Variants in CTBP2 observed in about 807,000 individuals in gnomAD.
CTBP2 encodes the protein C-terminal binding protein 2, also known as C-terminal-binding protein 2.
In CTBP2, 30 loss-of-function variants were observed where a neutral mutation model predicts 80.3. The ratio of observed to expected loss-of-function variants is 0.37; its 90% CI spans 0.28 to 0.51. The LOEUF is 0.51. Ranked by LOEUF, CTBP2 falls within the 20% of genes least tolerant of loss-of-function variation. CTBP2 has a pLI of 0.93. For missense variants in CTBP2, 1,212 were observed against 1,375.3 expected (o/e 0.88, Z 1.88); for synonymous variants, 594 against 587.4 (o/e 1.01, Z -0.16).
At chr10:125,031,102 C>T (rs1418412013), upstream of CTBP2, among the ~76,000 whole-genome samples, 4 of 152,214 alleles carry the variant, frequency 2.6e-5, no homozygotes, top group Non-Finnish European at 4.4e-5. Flanking sequence ...CGGCCTATGG[C>T]ATACCCATTT....
intron 1 of CTBP2, among the ~76,000 whole-genome samples, chr10:125,114,193 G>A (rs1182286520): frequency 6.6e-6 from 1 of 152,130 alleles, no homozygotes; most frequent in Non-Finnish European, 1.5e-5. Context: ...GCAACCGCAG[G>A]AGCTGAAGTG....
chr10:125,027,693 C>T lies in CTBP2; in HGVS notation c.67G>A (p.Glu23Lys), dbSNP rs1365402174. ...GACTCGGCGTTCTCCCAGGGGCCCTCGTACCACCCAGCAGCATCCCAGCTC... is the reference window on the plus strand; with the variant it reads ...GACTCGGCGTTCTCCCAGGGGCCCTTGTACCACCCAGCAGCATCCCAGCTC... Residue 23 changes from glutamate (E) to lysine (K), a missense_variant, in exon 1 of 9, where the codon GAG becomes AAG. Physicochemically the swap from Glu to Lys is moderately conservative, Grantham distance 56. Around this residue, in one of 3 missense-constraint regions of CTBP2, gnomAD observed 848 missense variants for 782.3 expected, o/e 1.08. Coordinates refer to ENST00000309035, the MANE Select transcript of CTBP2 (RefSeq NM_022802.3). 1.2e-5 allele frequency: 19 copies of T among 1,613,654 alleles called. No homozygotes were observed. Among genetic ancestry groups the T allele is most frequent in the East Asian group, 2.2e-5 (1 of 44,884 alleles).
upstream of CTBP2, among the ~76,000 whole-genome samples, chr10:125,031,656 T>C (rs1198662989): frequency 6.6e-6 from 1 of 152,162 alleles, no homozygotes; most frequent in African/African-American, 2.4e-5. Context: ...GGCTGGGTTT[T>C]AAAGCAGCCT....
chr10:125,049,046 G>GACACACACACACACACACACAC (rs1178000125), intron 2 of CTBP2, among the ~76,000 whole-genome samples: 1,091 of 89,596 alleles, frequency 0.012, 50 homozygotes, highest in East Asian at 0.034. Flanking sequence ...CCTGACCACA[G>GACACACACACACACACACACAC]ACACACACAC....
chr10:125,161,179 G>A (rs898984101), upstream of CTBP2: 1 of 151,946 alleles, frequency 6.6e-6, no homozygotes, highest in African/African-American at 2.4e-5. Flanking sequence ...TCTCTCGGGG[G>A]ATTAGTGGCT....
chr10:125,027,969 C>T lies in CTBP2; in HGVS notation c.-210G>A, dbSNP rs1590178899. 1.5e-6 allele frequency: 2 copies of T among 1,365,960 alleles called. No homozygotes were observed. The highest frequency in any genetic ancestry group is 1.6e-5 in the South Asian group (1 of 61,056). 84.6% of individuals were successfully genotyped at this position (1,365,960 alleles called of 1,614,324 possible). ...AACATAAGACTCACGGTAACTTTGC[C>T]TCACTCCCCAACGATAGCCAGAGAG... On this transcript the variant is annotated 5_prime_UTR_variant, in exon 1 of 9. Transcript: ENST00000309035.
At chr10:125,131,366 G>A (rs561821895) in intron 1 of CTBP2, among the ~76,000 whole-genome samples, 1 of 152,166 alleles carries the variant, frequency 6.6e-6, no homozygotes, top group Non-Finnish European at 1.5e-5. Flanking sequence ...GCACCTAGCC[G>A]AACCCAAAGT....
rs190312190 is a variant in CTBP2, at chr10:125,012,222, G to C, written c.1679-8730C>G. 1.1e-4 allele frequency among the ~76,000 whole-genome samples: 16 copies of C among 152,354 alleles called. No individual in the cohort carries two copies. The East Asian group carries it at 2.9e-3, about 28-fold the overall frequency. ...TCACATGGGTGGTCCCTGGGCTCCG[G>C]GAGGGAGGACAGGATGTGGGGGATA... On this transcript the variant is annotated intron_variant, in intron 1 of 8. Coordinates refer to ENST00000309035, the MANE Select transcript of CTBP2 (RefSeq NM_022802.3).
At chr10:125,106,220 C>A (rs549512879) in intron 2 of CTBP2, among the ~76,000 whole-genome samples, 3 of 151,900 alleles carry the variant, frequency 2.0e-5, no homozygotes, top group Admixed American at 2.0e-4. Flanking sequence ...GGCCCCACTT[C>A]ACATGGACCA....
intron 1 of CTBP2, among the ~76,000 whole-genome samples, chr10:125,159,030 C>A (rs1401828033): frequency 6.6e-6 from 1 of 151,672 alleles, no homozygotes; most frequent in African/African-American, 2.4e-5. Flanking sequence ...CTGGGCCTCC[C>A]GCGGGAGAAA....
intron 2 of CTBP2, among the ~76,000 whole-genome samples, chr10:125,061,292 G>A (rs1016317569): frequency 2.0e-5 from 3 of 152,206 alleles, no homozygotes; most frequent in Non-Finnish European, 4.4e-5. Flanking sequence ...GGCCCCCTCT[G>A]GTGGCGCTGT....
intron 1 of CTBP2, among the ~76,000 whole-genome samples, chr10:125,134,795 C>T (rs986547156): frequency 2.0e-5 from 3 of 150,990 alleles, no homozygotes; most frequent in African/African-American, 7.3e-5. Context: ...CTCCCATCTT[C>T]CCCCAGCCTT....
chr10:124,994,801 A>T, intron 4 of CTBP2, 118 bp from the exon 7 acceptor site: 1 of 1,018,630 alleles, frequency 9.8e-7, no homozygotes, highest in Non-Finnish European at 1.5e-6. Context: ...CTGCTGCCAG[A>T]GAAACCGTGT....
intron 3 of CTBP2, among the ~76,000 whole-genome samples, chr10:125,034,043 T>C (rs1470888933): frequency 6.6e-6 from 1 of 152,088 alleles, no homozygotes; most frequent in Non-Finnish European, 1.5e-5. Context: ...AAAAGCAAAG[T>C]GGCCTTAACA....
intron 1 of CTBP2, among the ~76,000 whole-genome samples, chr10:125,015,696 TG>T (rs978137938): frequency 6.6e-6 from 1 of 152,216 alleles, no homozygotes; most frequent in Non-Finnish European, 1.5e-5. Context: ...ATACCGCTGG[TG>T]GAGGTGTTGG....
intron 2 of CTBP2, among the ~76,000 whole-genome samples, chr10:125,091,621 A>C (rs747492672): frequency 1.3e-5 from 2 of 152,118 alleles, no homozygotes; most frequent in Non-Finnish European, 2.9e-5. Context: ...AACAAACAAA[A>C]AATTAGCTGG....
intron 2 of CTBP2, among the ~76,000 whole-genome samples, chr10:125,063,637 G>T (rs750975920): frequency 6.6e-6 from 1 of 152,186 alleles, no homozygotes; most frequent in East Asian, 1.9e-4. Flanking sequence ...GAAGCTGTAC[G>T]ATTTATCAGC....
intron 1 of CTBP2, among the ~76,000 whole-genome samples, chr10:125,118,270 G>A (rs1223052988): frequency 6.6e-6 from 1 of 152,232 alleles, no homozygotes; most frequent in Non-Finnish European, 1.5e-5. Context: ...GGAGGAACTT[G>A]AAGCCCTTGC....
chr10:125,012,954 G>A (rs1003037200), intron 1 of CTBP2, among the ~76,000 whole-genome samples: 3 of 152,196 alleles, frequency 2.0e-5, no homozygotes, highest in Non-Finnish European at 2.9e-5. Flanking sequence ...GAACTCAGTC[G>A]TCAAAACCAG....
Sources: gnomAD v4.1 joint callset for allele counts (sites outside exome capture counted in the v4.1 genomes callset) on GRCh38, gnomAD v4.1.1 for gene constraint, gnomAD v4.1.1 regional missense constraint, MANE v1.5 for transcripts, NCBI Gene and HGNC (gene_info 2026-07-23, HGNC 2026-07-21) for gene names.